The following FAM13C variants were observed in gnomAD, a reference collection of about 807,000 sequenced individuals.
The protein encoded by FAM13C is family with sequence similarity 13 member C, also known as protein FAM13C.
FAM13C carries 37 observed loss-of-function variants against 73.2 expected under a neutral mutation model. The ratio of observed to expected loss-of-function variants is 0.51; its 90% CI spans 0.39 to 0.67. The LOEUF (loss-of-function observed/expected upper bound fraction) is 0.67. Among genes scored for constraint, FAM13C ranks in the 30% least tolerant of loss-of-function variants. The pLI is 0.00. For synonymous variants in FAM13C, 246 were observed against 260.9 expected (o/e 0.94, Z 0.55); for missense variants, 589 against 715.6 (o/e 0.82, Z 2.02).
At chr10:59,265,252 T>A (rs988806539) in intron 8 of FAM13C, among the ~76,000 whole-genome samples, 2 of 146,958 alleles carry the variant, frequency 1.4e-5, no homozygotes, top group African/African-American at 5.0e-5. Flanking sequence ...CAATGTTTCT[T>A]TCCTAGAAGA....
chr10:59,357,735 G>C (rs946614428), intron 1 of FAM13C, among the ~76,000 whole-genome samples: 1 of 152,082 alleles, frequency 6.6e-6, no homozygotes, highest in South Asian at 2.1e-4. Context: ...TCTCAGACAC[G>C]TTTTAAACAA....
At chr10:59,343,834 GTTAT>G (rs1156330795) in intron 3 of FAM13C, among the ~76,000 whole-genome samples, 4 of 152,050 alleles carry the variant, frequency 2.6e-5, no homozygotes, top group East Asian at 1.9e-4. Flanking sequence ...ACGTATTTGG[GTTAT>G]TTGTTATTGC....
chr10:59,262,970 C>T (rs1413188686), intron 9 of FAM13C, among the ~76,000 whole-genome samples: 3 of 152,050 alleles, frequency 2.0e-5, no homozygotes, highest in African/African-American at 4.8e-5. Flanking sequence ...CTGTAGCACC[C>T]GAAATTCCAC....
At chr10:59,303,943 T>C (rs1281392181) in intron 4 of FAM13C, among the ~76,000 whole-genome samples, 1 of 151,972 alleles carries the variant, frequency 6.6e-6, no homozygotes, top group East Asian at 1.9e-4. Context: ...AGGTCAGGAG[T>C]TTGAGACCAG....
Position 59,246,818 on chromosome 10 carries a change from A to G in FAM13C, c.*796T>C. 2 of 388,898 alleles carry G rather than the reference A, an allele frequency of 5.1e-6. No individual in the cohort carries two copies. The highest frequency in any genetic ancestry group is 9.1e-6 in the Non-Finnish European group (2 of 219,956). 24.1% of individuals were successfully genotyped at this position (388,898 alleles called of 1,614,324 possible). A position where few individuals can be genotyped will look rare whatever the true frequency, so the allele number is the denominator to read the frequency against. ...TCATCTTATAGTAAACCAAAAGATT[A>G]GCAATAATACTATGGACACATTAGA... is the stretch of plus-strand genomic sequence containing the variant. On this transcript the variant is annotated 3_prime_UTR_variant, in exon 14 of 14. Transcript: ENST00000618804.
rs1021288258 is a variant in FAM13C at position 59,306,422 on chromosome 10, G to A, written c.444-3558C>T. ...CTAACCATCTGAATGTCTACTGTGT[G>A]CCTGGTCCAGTGTTGTGGAAACAAT... On this transcript the variant is annotated intron_variant, in intron 4 of 13. Transcript: ENST00000618804. Among the ~76,000 whole-genome samples the A allele has an allele frequency of 2.6e-5, 4 of 152,292 alleles. No homozygotes were observed. In the East Asian group the frequency reaches 7.7e-4, roughly 29 times the overall value.
intron 4 of FAM13C, among the ~76,000 whole-genome samples, chr10:59,321,431 CCTT>C (rs747462158): frequency 0.11 from 12,328 of 109,530 alleles, 1,222 homozygotes; most frequent in East Asian, 0.29. Context: ...CCTGCCAACA[CCTT>C]TTTTTTTTTT....
intron 3 of FAM13C, among the ~76,000 whole-genome samples, chr10:59,329,691 C>T (rs992140640): frequency 3.3e-5 from 5 of 152,040 alleles, no homozygotes; most frequent in African/African-American, 4.8e-5. Flanking sequence ...ATATGTATTA[C>T]CCAGTTTACT....
At position 59,268,633 on chromosome 10, in the gene FAM13C, G is replaced by C. The variant is rs775198706; in HGVS notation, c.862C>G (p.Gln288Glu). 1.4e-5 allele frequency: 23 copies of C among 1,613,472 alleles called. No individual in the cohort carries two copies. In the East Asian group the frequency reaches 4.9e-4, roughly 34 times the overall value. ...GDGKEPQTIT[Q>E]LTKHIQSLKR... Reference sequence around the variant, plus strand: ...AGGCTCTGGATGTGCTTGGTGAGCTGGGTGATGGTCTGTGGCTCCTTGCCA... The same window carrying C: ...AGGCTCTGGATGTGCTTGGTGAGCTCGGTGATGGTCTGTGGCTCCTTGCCA... The change falls in exon 8 of 14, where the codon CAG becomes GAG. Residue 288 changes from glutamine (Q) to glutamate (E), a missense_variant. Gln to Glu is a conservative substitution (Grantham distance 29, BLOSUM62 2). Transcript: ENST00000618804.
chr10:59,356,082 C>G (rs1158496772), intron 1 of FAM13C, 139 bp from the exon 2 acceptor site: 2 of 790,024 alleles, frequency 2.5e-6, no homozygotes, highest in African/African-American at 3.4e-5. Flanking sequence ...CAAATAAGTT[C>G]TGATTCCTAT....
At chr10:59,330,988 T>G (rs1381811131) in intron 3 of FAM13C, among the ~76,000 whole-genome samples, 1 of 152,162 alleles carries the variant, frequency 6.6e-6, no homozygotes, top group Non-Finnish European at 1.5e-5. Context: ...ATTCACAAAC[T>G]GGTCATCTCT....
chr10:59,313,364 T>G (rs1849158935), intron 4 of FAM13C, among the ~76,000 whole-genome samples: 1 of 152,198 alleles, frequency 6.6e-6, no homozygotes, highest in Admixed American at 6.5e-5. Context: ...AAACAACCAC[T>G]TGTCATGCAA....
chr10:59,313,927 C>T (rs1564568422), intron 4 of FAM13C, among the ~76,000 whole-genome samples: 1 of 152,108 alleles, frequency 6.6e-6, no homozygotes, highest in Non-Finnish European at 1.5e-5. Context: ...AACTACTGAA[C>T]CTATGAGTTC....
rs1388342565 is a variant in FAM13C at position 59,352,462 on chromosome 10, A to T, written c.132T>A (p.Asn44Lys). 1 of 1,607,684 alleles carries T rather than the reference A, an allele frequency of 6.2e-7. No homozygotes were observed. Among genetic ancestry groups the T allele is most frequent in the Admixed American group, 1.7e-5 (1 of 58,950 alleles). The stretch of plus-strand genomic sequence containing the variant: ...CCCCTGCGTCGGGGTAGTTCTCTTT[A>T]TTGTTTTCATCTCTAAAACAGGAAA... The part of the protein sequence containing the change: ...TDCSSLRDEN[N>K]KENYPDAGAL... The change falls in exon 3 of 14, where the codon AAT (asparagine) becomes AAA (lysine). Residue 44 changes from asparagine (N) to lysine (K), a missense_variant. Asn to Lys is a moderately conservative substitution (Grantham distance 94). Coordinates refer to ENST00000618804, the MANE Select transcript of FAM13C (RefSeq NM_198215.4).
intron 12 of FAM13C, 99 bp from the exon 13 acceptor site, chr10:59,251,775 GAA>G: frequency 1.1e-6 from 1 of 894,204 alleles, no homozygotes; most frequent in East Asian, 2.5e-5. Flanking sequence ...ATCTATGATT[GAA>G]AAGTGTTCCC....
At chr10:59,352,141 G>A in intron 3 of FAM13C, 129 bp downstream of exon 3, 1 of 1,010,362 alleles carries the variant, frequency 9.9e-7, no homozygotes, top group Non-Finnish European at 1.5e-6. Context: ...CAGGTCGGCA[G>A]AGCACGCAAT....
At chr10:59,344,648 C>A (rs1183448785) in intron 3 of FAM13C, among the ~76,000 whole-genome samples, 1 of 151,986 alleles carries the variant, frequency 6.6e-6, no homozygotes, top group Non-Finnish European at 1.5e-5. Context: ...TAATCCTCAA[C>A]AACCTCTTAA....
At chr10:59,287,054 A>T (rs1029476261) in intron 5 of FAM13C, among the ~76,000 whole-genome samples, 26 of 135,378 alleles carry the variant, frequency 1.9e-4, no homozygotes, top group African/African-American at 7.1e-4. Context: ...AAAAAAAAAA[A>T]GGCCAGGTGT....
intron 8 of FAM13C, among the ~76,000 whole-genome samples, chr10:59,264,673 T>G (rs1414947419): frequency 6.6e-6 from 1 of 152,180 alleles, no homozygotes; most frequent in Non-Finnish European, 1.5e-5. Flanking sequence ...TCTTATCAGT[T>G]ATATCCTCTA....
Sources: allele counts gnomAD v4.1 joint callset (sites outside exome capture counted in the v4.1 genomes callset), GRCh38; gene constraint gnomAD v4.1.1; transcripts MANE v1.5; gene names NCBI Gene and HGNC (gene_info 2026-07-23, HGNC 2026-07-21).